The following HMBOX1 variants were observed in gnomAD, a reference collection of about 807,000 sequenced individuals.
HMBOX1 encodes the protein homeobox-containing protein 1.
In HMBOX1, 14 loss-of-function variants were observed where a neutral mutation model predicts 54.5. That is an observed-to-expected ratio of 0.26 (90% CI 0.17 to 0.40). The LOEUF (loss-of-function observed/expected upper bound fraction) is 0.40. Ranked by LOEUF, HMBOX1 falls within the 10% of genes least tolerant of loss-of-function variation. HMBOX1 has a pLI of 1.00. For missense variants in HMBOX1, 332 were observed against 514.4 expected (o/e 0.65, Z 3.43); for synonymous variants, 160 against 181.0 (o/e 0.88, Z 0.93).
At chr8:29,028,335 A>G (rs930827330) in intron 6 of HMBOX1, among the ~76,000 whole-genome samples, 1 of 152,242 alleles carries the variant, frequency 6.6e-6, no homozygotes, top group African/African-American at 2.4e-5. Context: ...ATGCATCTCT[A>G]GTAACCAAGT....
intron 4 of HMBOX1, among the ~76,000 whole-genome samples, chr8:28,997,447 C>T (rs1832029959): frequency 1.3e-5 from 2 of 152,046 alleles, no homozygotes; most frequent in Non-Finnish European, 1.5e-5. Context: ...ATGAATCCCA[C>T]CTGGTCATGG....
chr8:29,036,743 G>A (rs544758442), intron 6 of HMBOX1, among the ~76,000 whole-genome samples: 1 of 152,216 alleles, frequency 6.6e-6, no homozygotes. Flanking sequence ...TGTCTTAGCT[G>A]AGTAGTGGCT....
chr8:28,932,007 C>T (rs539339613), intron 1 of HMBOX1, among the ~76,000 whole-genome samples: 189 of 152,092 alleles, frequency 1.2e-3, no homozygotes, highest in Non-Finnish European at 2.2e-3. Context: ...GTAGTAAGTG[C>T]TAGAAGCATA....
intron 6 of HMBOX1, among the ~76,000 whole-genome samples, chr8:29,032,341 CTG>C (rs924130694): frequency 6.6e-6 from 1 of 151,822 alleles, no homozygotes; most frequent in Non-Finnish European, 1.5e-5. Flanking sequence ...AAAATTGAAA[CTG>C]TTTTGAAAAA....
chr8:28,980,161 G>GAGCTGA lies in HMBOX1; in HGVS notation c.586+8_586+13dup. The GAGCTGA allele has an allele frequency of 1.3e-6, 2 of 1,598,998 alleles. No homozygotes were observed. Among genetic ancestry groups the GAGCTGA allele is most frequent in the Non-Finnish European group, 1.7e-6 (2 of 1,166,294 alleles). ...CAGTTGTTGCACAGGTAACAGGTAA[G>GAGCTGA]AGCTGAAGAGCCCTTTATTCTGGAA... is the stretch of plus-strand genomic sequence containing the variant. On this transcript the variant is annotated splice_donor_region_variant and intron_variant, in intron 4 of 9. Coordinates refer to ENST00000287701, the MANE Select transcript of HMBOX1 (RefSeq NM_001135726.3).
intron 5 of HMBOX1, among the ~76,000 whole-genome samples, chr8:29,018,094 T>G (rs1800610329): frequency 6.6e-6 from 1 of 152,192 alleles, no homozygotes; most frequent in South Asian, 2.1e-4. Context: ...GACTGAACTC[T>G]ATGAAAGCAT....
At chr8:29,013,419 C>T (rs1266357407) in intron 5 of HMBOX1, among the ~76,000 whole-genome samples, 1 of 152,222 alleles carries the variant, frequency 6.6e-6, no homozygotes, top group Non-Finnish European at 1.5e-5. Context: ...TAGGCATGAG[C>T]CACCGCACCC....
intron 6 of HMBOX1, among the ~76,000 whole-genome samples, chr8:29,038,426 T>C (rs1804264026): frequency 6.6e-6 from 1 of 152,206 alleles, no homozygotes; most frequent in Admixed American, 6.5e-5. Flanking sequence ...TGTTTTGTCT[T>C]AGAAAATGTT....
At chr8:29,016,129 A>T (rs1161864994) in intron 5 of HMBOX1, among the ~76,000 whole-genome samples, 1 of 152,262 alleles carries the variant, frequency 6.6e-6, no homozygotes, top group Admixed American at 6.5e-5. Context: ...CCCATTGGCC[A>T]TAATACAAAA....
intron 6 of HMBOX1, among the ~76,000 whole-genome samples, chr8:29,022,387 C>T (rs1801326032): frequency 1.3e-5 from 2 of 152,104 alleles, no homozygotes; most frequent in Admixed American, 1.3e-4. Context: ...TACTGCACTT[C>T]AGTCTGGGTG....
intron 1 of HMBOX1, among the ~76,000 whole-genome samples, chr8:28,938,598 C>T (rs988444098): frequency 2.0e-5 from 3 of 151,852 alleles, no homozygotes; most frequent in South Asian, 2.1e-4. Flanking sequence ...AGGCGCACAC[C>T]ACCACTCCTG....
chr8:28,992,700 C>G (rs1290617593), intron 4 of HMBOX1, among the ~76,000 whole-genome samples: 1 of 151,650 alleles, frequency 6.6e-6, no homozygotes, highest in Non-Finnish European at 1.5e-5. Context: ...GAATCCCCAT[C>G]TCTACTAAAA....
At chr8:28,899,206 C>A (rs905239124) in intron 1 of HMBOX1, among the ~76,000 whole-genome samples, 1 of 152,168 alleles carries the variant, frequency 6.6e-6, no homozygotes, top group Non-Finnish European at 1.5e-5. Flanking sequence ...GATACATGAA[C>A]GTACTATCTC....
At chr8:28,900,271 A>ATATATATATATATATATATATAT (rs1554519262) in intron 1 of HMBOX1, among the ~76,000 whole-genome samples, 2 of 70,348 alleles carry the variant, frequency 2.8e-5, no homozygotes, top group Non-Finnish European at 2.9e-5. Flanking sequence ...AAAAAAAAAA[A>ATATATATATATATATATATATAT]ATATATATAT....
At chr8:28,951,230 T>G (rs1267543960) in intron 1 of HMBOX1, among the ~76,000 whole-genome samples, 1 of 152,194 alleles carries the variant, frequency 6.6e-6, no homozygotes, top group Non-Finnish European at 1.5e-5. Context: ...CCTCCTGGGT[T>G]CAAGCGATTC....
At chr8:29,042,477 A>G (rs1259607358) in intron 6 of HMBOX1, among the ~76,000 whole-genome samples, 2 of 152,184 alleles carry the variant, frequency 1.3e-5, no homozygotes, top group Non-Finnish European at 2.9e-5. Flanking sequence ...GGGGTAAGAG[A>G]GTGTAAAGTT....
intron 1 of HMBOX1, among the ~76,000 whole-genome samples, chr8:28,961,239 C>G (rs1314296015): frequency 6.6e-6 from 1 of 152,102 alleles, no homozygotes; most frequent in African/African-American, 2.4e-5. Flanking sequence ...AACATAAAAT[C>G]TACCATTTTA....
intron 1 of HMBOX1, chr8:28,891,315 C>G (rs1344803004): frequency 6.6e-6 from 1 of 152,276 alleles, no homozygotes; most frequent in South Asian, 2.1e-4. Flanking sequence ...ACTCCAGCCA[C>G]GAGAACTGTA....
intron 6 of HMBOX1, among the ~76,000 whole-genome samples, chr8:29,028,946 C>T (rs1183120835): frequency 6.6e-6 from 1 of 152,022 alleles, no homozygotes; most frequent in Non-Finnish European, 1.5e-5. Context: ...TAAATATTTA[C>T]CCAGGAAGCT....
Sources: gnomAD v4.1 joint callset for allele counts (sites outside exome capture counted in the v4.1 genomes callset) on GRCh38, gnomAD v4.1.1 for gene constraint, MANE v1.5 for transcripts, NCBI Gene and HGNC (gene_info 2026-07-23, HGNC 2026-07-21) for gene names.